CUX2: variants seen among roughly 807,000 people sequenced by gnomAD.
CUX2 encodes homeobox protein cut-like 2.
In CUX2, 40 loss-of-function variants were observed where a neutral mutation model predicts 144.8. The observed-to-expected ratio is 0.28, with a 90% confidence interval of 0.21 to 0.36. The LOEUF is 0.36. Ranked by LOEUF, CUX2 falls within the 10% of genes least tolerant of loss-of-function variation. The pLI is 1.00. For missense variants in CUX2, 1,615 were observed against 1,994.0 expected, an observed-to-expected ratio of 0.81 and a Z score of 3.62; for synonymous variants, 827 against 875.6, an observed-to-expected ratio of 0.94 and a Z score of 0.98.
At chr12:111,324,534 TC>T (rs60454148) in intron 18 of CUX2, among the ~76,000 whole-genome samples, 40,614 of 151,364 alleles carry the variant, frequency 0.27, 8,008 homozygotes, top group East Asian at 0.81. Context: ...AGAGTCTTGC[TC>T]TGTTGCCCAG....
chr12:111,341,831 C>G lies in CUX2; in HGVS notation c.3437C>G (p.Ser1146Cys), dbSNP rs886381293. ...GLISTGSDSE[S>C]PATRSECPSP... The stretch of plus-strand genomic sequence containing the variant: ...ATCAGCACCGGCTCAGACAGTGAGT[C>G]CCCGGCCACCCGCTCAGAGTGCCCC... Residue 1146 changes from serine to cysteine, a missense_variant, in exon 21 of 22, where the codon TCC (serine) becomes TGC (cysteine). Coordinates refer to ENST00000261726, the MANE Select transcript of CUX2 (RefSeq NM_015267.4). 8.7e-6 allele frequency: 14 copies of G among 1,612,584 alleles called. No homozygotes were observed. The highest frequency in any genetic ancestry group is 1.2e-5 in the Non-Finnish European group (14 of 1,179,814).
At chr12:111,123,043 G>A (rs1874789079) in intron 1 of CUX2, among the ~76,000 whole-genome samples, 1 of 152,340 alleles carries the variant, frequency 6.6e-6, no homozygotes, top group East Asian at 1.9e-4. Flanking sequence ...GCAGCCACAA[G>A]GTCTGGGAGT....
At chr12:111,209,726 C>T (rs1881106376) in intron 1 of CUX2, among the ~76,000 whole-genome samples, 1 of 152,126 alleles carries the variant, frequency 6.6e-6, no homozygotes, top group Non-Finnish European at 1.5e-5. Flanking sequence ...GGGGGTACTG[C>T]AGATCCCATC....
rs1332095739 is a variant in CUX2 at position 111,263,152 on chromosome 12, CT to C, written c.223-608del. On this transcript the variant is annotated intron_variant, in intron 3 of 21. Coordinates refer to ENST00000261726, the MANE Select transcript of CUX2 (RefSeq NM_015267.4). The surrounding 1 kb of genome is among the most constrained non-coding windows in gnomAD (Gnocchi z 4.0). ...TAACCTTCATTTCTCCTTCTTGCCC[CT>C]CCCCTATCCCATGTTTGCACAAGTA... Among the ~76,000 whole-genome samples, 1 of 152,214 alleles carries C rather than the reference CT, an allele frequency of 6.6e-6. No homozygotes were observed. The highest frequency in any genetic ancestry group is 1.5e-5 in the Non-Finnish European group (1 of 68,044).
At chr12:111,166,218 G>A (rs903416884) in intron 1 of CUX2, among the ~76,000 whole-genome samples, 2 of 152,128 alleles carry the variant, frequency 1.3e-5, no homozygotes, top group Admixed American at 6.6e-5. Context: ...ACGAAGTCTC[G>A]CTATTGTTGC....
At position 111,286,640 on chromosome 12, in the gene CUX2, A is replaced by G. The variant is rs148822306; in HGVS notation, c.302-4778A>G. Among the ~76,000 whole-genome samples, 265 of 152,250 alleles carry G rather than the reference A, an allele frequency of 1.7e-3. 1 individual carries two copies. Among genetic ancestry groups the G allele is most frequent in the African/African-American group, 5.5e-3 (229 of 41,552 alleles). On this transcript the variant is annotated intron_variant, in intron 4 of 21. Transcript: ENST00000261726. ...GTAATTCTAGCGCATTGGGAGGCCA[A>G]GGCAGGTGGATCACCTGAGATTGGG...
chr12:111,314,793 G>T (rs1053558986), intron 16 of CUX2, among the ~76,000 whole-genome samples: 1 of 151,780 alleles, frequency 6.6e-6, no homozygotes, highest in Non-Finnish European at 1.5e-5. Flanking sequence ...GTAGTGAGCC[G>T]AGATCTCATC....
intron 1 of CUX2, among the ~76,000 whole-genome samples, chr12:111,086,116 G>A (rs954817922): frequency 2.0e-5 from 3 of 152,156 alleles, no homozygotes; most frequent in African/African-American, 7.2e-5. Flanking sequence ...CTCTGATGAT[G>A]GTCATAGTAA....
chr12:111,187,590 C>T (rs1276044918), intron 1 of CUX2, among the ~76,000 whole-genome samples: 2 of 152,228 alleles, frequency 1.3e-5, no homozygotes, highest in Non-Finnish European at 2.9e-5. Context: ...GTACCCTGGC[C>T]TTGGGGCCTG....
At chr12:111,328,633 T>A (rs1804966651) in intron 18 of CUX2, among the ~76,000 whole-genome samples, 3 of 148,652 alleles carry the variant, frequency 2.0e-5, no homozygotes, top group African/African-American at 7.4e-5. Flanking sequence ...AGAGTCTCAC[T>A]CTGTCGCCCA....
At chr12:111,117,663 G>A (rs1180493170) in intron 1 of CUX2, among the ~76,000 whole-genome samples, 1 of 152,176 alleles carries the variant, frequency 6.6e-6, no homozygotes, top group African/African-American at 2.4e-5. Context: ...AATGGTTATT[G>A]ACTATTTACC....
chr12:111,200,518 G>A (rs186313525), intron 1 of CUX2, among the ~76,000 whole-genome samples: 1 of 151,946 alleles, frequency 6.6e-6, no homozygotes, highest in Non-Finnish European at 1.5e-5. Flanking sequence ...GTGGAGTGCT[G>A]GGGGGAGGCT....
chr12:111,141,487 A>G (rs2136123695), intron 1 of CUX2, among the ~76,000 whole-genome samples: 1 of 152,322 alleles, frequency 6.6e-6, no homozygotes, highest in Middle Eastern at 3.4e-3. Context: ...ATCTGGCCCC[A>G]TGCTAAGCCT....
chr12:111,113,383 C>G (rs79403240), intron 1 of CUX2, among the ~76,000 whole-genome samples: 2,544 of 152,068 alleles, frequency 0.017, 76 homozygotes, highest in African/African-American at 0.059. Context: ...TGGAACAGTT[C>G]CATCACCCCC....
chr12:111,121,192 T>C (rs1188955222), intron 1 of CUX2, among the ~76,000 whole-genome samples: 1 of 151,612 alleles, frequency 6.6e-6, no homozygotes, highest in Non-Finnish European at 1.5e-5. Flanking sequence ...TTAATGTGCA[T>C]TAATAATATA....
At chr12:111,144,111 C>G (rs553276901) in intron 1 of CUX2, among the ~76,000 whole-genome samples, 3 of 152,172 alleles carry the variant, frequency 2.0e-5, no homozygotes, top group Non-Finnish European at 4.4e-5. Context: ...TATGATCCCC[C>G]CTATTAGATC....
At chr12:111,279,904 C>A (rs558828589) in intron 4 of CUX2, among the ~76,000 whole-genome samples, 2 of 152,198 alleles carry the variant, frequency 1.3e-5, no homozygotes, top group African/African-American at 2.4e-5. Flanking sequence ...ATCACTTGAA[C>A]CCGGGAAGTG....
chr12:111,327,309 C>G (rs551514481), intron 18 of CUX2, among the ~76,000 whole-genome samples: 11 of 152,238 alleles, frequency 7.2e-5, no homozygotes, highest in African/African-American at 2.6e-4. Context: ...CCCATTTTGA[C>G]TATTTTGAAT....
chr12:111,198,282 C>G (rs1292205010), intron 1 of CUX2, among the ~76,000 whole-genome samples: 1 of 152,004 alleles, frequency 6.6e-6, no homozygotes, highest in Non-Finnish European at 1.5e-5. Flanking sequence ...TTGAGACCAG[C>G]CTGGCTAACA....
Sources: gnomAD v4.1 joint callset for allele counts (sites outside exome capture counted in the v4.1 genomes callset) on GRCh38, gnomAD v4.1.1 for gene constraint, Gnocchi (gnomAD v3.1) non-coding constraint, MANE v1.5 for transcripts, NCBI Gene and HGNC (gene_info 2026-07-23, HGNC 2026-07-21) for gene names.